The following RCSD1 variants were observed in gnomAD, a reference collection of about 807,000 sequenced individuals.
RCSD1 encodes the protein capZ-interacting protein.
Under a neutral mutation model 42.5 loss-of-function variants are expected in RCSD1, and 26 were observed. That is an observed-to-expected ratio of 0.61 (90% CI 0.45 to 0.85). The LOEUF is 0.85. Among genes scored for constraint, RCSD1 ranks in the 40% least tolerant of loss-of-function variants. The pLI, the probability that RCSD1 is intolerant of heterozygous loss-of-function variation, is 0.00. For synonymous variants in RCSD1, 220 were observed against 212.2 expected (o/e 1.04, Z -0.32); for missense variants, 571 against 528.3 (o/e 1.08, Z -0.79).
intron 6 of RCSD1, 65 bp downstream of exon 6, chr1:167,697,907 T>C (rs892157668): frequency 7.0e-7 from 1 of 1,431,396 alleles, no homozygotes; most frequent in Non-Finnish European, 9.1e-7. Context: ...CTCTGTCACA[T>C]GTCCTGTTCC....
At chr1:167,696,976 T>C (rs1306542021) in intron 5 of RCSD1, 123 bp from the exon 6 acceptor site, 10 of 836,412 alleles carry the variant, frequency 1.2e-5, no homozygotes, top group Admixed American at 3.0e-5. Flanking sequence ...TCCTGGAAAA[T>C]TAAACGGTCC....
At chr1:167,689,345 G>A (rs1659315436) in intron 3 of RCSD1, among the ~76,000 whole-genome samples, 1 of 152,030 alleles carries the variant, frequency 6.6e-6, no homozygotes, top group South Asian at 2.1e-4. Context: ...AGCCAGGCAT[G>A]GTGGTGCATG....
chr1:167,657,080 A>G (rs1423454249), intron 1 of RCSD1, among the ~76,000 whole-genome samples: 1 of 152,226 alleles, frequency 6.6e-6, no homozygotes, highest in Non-Finnish European at 1.5e-5. Context: ...ATAATACAAT[A>G]ATATCTACTT....
At chr1:167,677,896 C>T (rs1014486568) in intron 1 of RCSD1, among the ~76,000 whole-genome samples, 1 of 152,144 alleles carries the variant, frequency 6.6e-6, no homozygotes, top group Admixed American at 6.5e-5. Flanking sequence ...GGGGGTATGT[C>T]GCTTTTTAAT....
At chr1:167,645,577 A>C (rs1023924792) in intron 1 of RCSD1, among the ~76,000 whole-genome samples, 2 of 152,236 alleles carry the variant, frequency 1.3e-5, no homozygotes, top group Admixed American at 6.5e-5. Flanking sequence ...GGGTGACATC[A>C]GAGTGGCCAC....
At chr1:167,683,143 A>G (rs1317229339) in intron 1 of RCSD1, among the ~76,000 whole-genome samples, 1 of 152,214 alleles carries the variant, frequency 6.6e-6, no homozygotes, top group African/African-American at 2.4e-5. Context: ...TAAACTGATG[A>G]CCACACTGGA....
At chr1:167,690,272 A>G (rs990173298) in intron 4 of RCSD1, 152 bp downstream of exon 4, 28 of 669,916 alleles carry the variant, frequency 4.2e-5, no homozygotes, top group Non-Finnish European at 6.8e-5. Context: ...GCAGTAAACG[A>G]TAAGGATCTC....
At chr1:167,647,652 T>G (rs1658195546) in intron 1 of RCSD1, among the ~76,000 whole-genome samples, 1 of 152,300 alleles carries the variant, frequency 6.6e-6, no homozygotes, top group Non-Finnish European at 1.5e-5. Context: ...GGCAGGAGGA[T>G]TGCTTGAGCC....
At chr1:167,702,755 G>T (rs1289884801) in intron 6 of RCSD1, among the ~76,000 whole-genome samples, 1 of 152,010 alleles carries the variant, frequency 6.6e-6, no homozygotes, top group Non-Finnish European at 1.5e-5. Flanking sequence ...CTCTGGCCTG[G>T]GTGACAGAGA....
chr1:167,660,544 C>A (rs1179577878), intron 1 of RCSD1, among the ~76,000 whole-genome samples: 1 of 151,950 alleles, frequency 6.6e-6, no homozygotes, highest in Admixed American at 6.6e-5. Context: ...TCTCTGAAGC[C>A]TTGAAGTCTT....
At position 167,655,784 on chromosome 1, in the gene RCSD1, C is replaced by CAACT. The variant is rs1036461893; in HGVS notation, c.6+25356_6+25359dup. 1.9e-4 allele frequency among the ~76,000 whole-genome samples: 29 copies of CAACT among 152,296 alleles called. 1 individual carries two copies. The highest frequency in any genetic ancestry group is 7.0e-4 in the African/African-American group (29 of 41,564). ...GAATCTTTGCTTCTCATACATAAGACAACTCTCCCATCCCAACCAGAGATG... is the reference window on the plus strand; with the variant it reads ...GAATCTTTGCTTCTCATACATAAGACAACTAACTCTCCCATCCCAACCAGAGATG... On this transcript the variant is annotated intron_variant, in intron 1 of 6. Transcript: ENST00000367854.
chr1:167,631,742 T>C (rs1657701189), intron 1 of RCSD1, among the ~76,000 whole-genome samples: 1 of 152,218 alleles, frequency 6.6e-6, no homozygotes, highest in Middle Eastern at 3.2e-3. Context: ...AGCCTTGGCC[T>C]CCCAAAGTGC....
intron 4 of RCSD1, among the ~76,000 whole-genome samples, chr1:167,690,872 C>A (rs568641624): frequency 6.6e-6 from 1 of 152,176 alleles, no homozygotes; most frequent in Non-Finnish European, 1.5e-5. Flanking sequence ...TCCTGTCCAA[C>A]CTCTCCACCA....
At chr1:167,654,996 C>A (rs560866678) in intron 1 of RCSD1, among the ~76,000 whole-genome samples, 3 of 152,212 alleles carry the variant, frequency 2.0e-5, no homozygotes, top group East Asian at 3.9e-4. Context: ...TCCAGATGGG[C>A]CTGTCATTGC....
intron 1 of RCSD1, among the ~76,000 whole-genome samples, chr1:167,650,589 C>A (rs954962161): frequency 6.6e-6 from 1 of 152,184 alleles, no homozygotes; most frequent in Non-Finnish European, 1.5e-5. Context: ...GAAGGACCGC[C>A]GCCCATCCCT....
At chr1:167,695,534 A>G (rs1490968656) in intron 5 of RCSD1, among the ~76,000 whole-genome samples, 1 of 127,780 alleles carries the variant, frequency 7.8e-6, no homozygotes, top group African/African-American at 3.0e-5. Context: ...TATTTTACAC[A>G]CTAATTTTTT....
At chr1:167,666,414 T>C (rs1328155573) in intron 1 of RCSD1, among the ~76,000 whole-genome samples, 1 of 152,164 alleles carries the variant, frequency 6.6e-6, no homozygotes, top group African/African-American at 2.4e-5. Context: ...TTTATTACTG[T>C]TGAAAAATAC....
rs148763025 is a variant in RCSD1 at position 167,635,414 on chromosome 1, G to A, written c.6+4985G>A. Reference sequence around the variant, plus strand: ...TGGACTGCGACGACAGGGGGAATTTGGGGAGTGAGACTCTAAGGGCCCAGC... The same window carrying A: ...TGGACTGCGACGACAGGGGGAATTTAGGGAGTGAGACTCTAAGGGCCCAGC... On this transcript the variant is annotated intron_variant, in intron 1 of 6. Coordinates refer to ENST00000367854, the MANE Select transcript of RCSD1 (RefSeq NM_052862.4). Among the ~76,000 whole-genome samples, 387 of 152,298 alleles carry A rather than the reference G, an allele frequency of 2.5e-3. 2 individuals are homozygous for A. Among genetic ancestry groups the A allele is most frequent in the African/African-American group, 8.4e-3 (348 of 41,556 alleles).
chr1:167,698,829 T>C (rs2101723015), intron 6 of RCSD1, among the ~76,000 whole-genome samples: 1 of 152,126 alleles, frequency 6.6e-6, no homozygotes, highest in Middle Eastern at 3.4e-3. Context: ...AGAAGGAGTC[T>C]CGCTGTGTCG....
Sources: gnomAD v4.1 joint callset for allele counts (sites outside exome capture counted in the v4.1 genomes callset) on GRCh38, gnomAD v4.1.1 for gene constraint, MANE v1.5 for transcripts, NCBI Gene and HGNC (gene_info 2026-07-23, HGNC 2026-07-21) for gene names.